SIK3: variants seen among roughly 807,000 people sequenced by gnomAD.
SIK3 encodes serine/threonine-protein kinase SIK3.
A neutral mutation model predicts 144.2 loss-of-function variants in SIK3; 28 were observed. That is an observed-to-expected ratio of 0.19 (90% confidence interval 0.14 to 0.27). SIK3 has a LOEUF of 0.27. SIK3 is among the 10% of genes least tolerant of loss of function. The pLI, the probability that SIK3 is intolerant of heterozygous loss-of-function variation, is 1.00. For missense variants in SIK3, 1,319 were observed against 1,776.0 expected, an observed-to-expected ratio of 0.74 and a Z score of 4.62; for synonymous variants, 686 against 676.3, an observed-to-expected ratio of 1.01 and a Z score of -0.22.
At chr11:117,096,323 A>G (rs527502421) in intron 1 of SIK3, among the ~76,000 whole-genome samples, 25 of 152,334 alleles carry the variant, frequency 1.6e-4, no homozygotes, top group African/African-American at 5.8e-4. Context: ...AAGTTCATGG[A>G]GACTATCCCC....
chr11:116,899,441 G>C (rs1945625476), intron 4 of SIK3, among the ~76,000 whole-genome samples: 1 of 152,166 alleles, frequency 6.6e-6, no homozygotes, highest in Middle Eastern at 3.4e-3. Context: ...CTTGGACCCA[G>C]AATTTTTATG....
At chr11:117,020,236 C>CATATATATATATATATACAT (rs754633188) in intron 1 of SIK3, among the ~76,000 whole-genome samples, 1 of 122,330 alleles carries the variant, frequency 8.2e-6, no homozygotes. Context: ...TGTATATGTG[C>CATATATATATATATATACAT]ATATATATAT....
rs1389723390 is a variant in SIK3 at position 116,861,378 on chromosome 11, C to T, written c.2321G>A (p.Arg774Lys). The T allele has an allele frequency of 6.3e-7, 1 of 1,597,212 alleles. No homozygotes were observed. Among genetic ancestry groups the T allele is most frequent in the Non-Finnish European group, 8.5e-7 (1 of 1,172,760 alleles). Residue 774 changes from arginine (R) to lysine (K), a missense_variant, in exon 19 of 25, where the codon AGG (arginine) becomes AAG (lysine). Around this residue, in one of 8 missense-constraint regions of SIK3, gnomAD observed 77 missense variants for 141.9 expected, o/e 0.54. Transcript: ENST00000445177. ...GGGGGGTGGGCTTGAAGGCTGAATC[C>T]TTAACCTTAAAAATAACAAAAGAGA... ...ALLTHQLQRL[R>K]IQPSSPPPNH...
At chr11:116,950,509 T>C (rs973895909) in intron 3 of SIK3, among the ~76,000 whole-genome samples, 2 of 152,178 alleles carry the variant, frequency 1.3e-5, no homozygotes, top group Non-Finnish European at 2.9e-5. Context: ...ACTGGCACAA[T>C]GATGAAGTTC....
At chr11:116,947,802 G>T (rs1253782985) in intron 3 of SIK3, among the ~76,000 whole-genome samples, 3 of 151,930 alleles carry the variant, frequency 2.0e-5, no homozygotes, top group Non-Finnish European at 4.4e-5. Flanking sequence ...CTGACCTCGT[G>T]ATCTGCCCAC....
intron 1 of SIK3, among the ~76,000 whole-genome samples, chr11:117,073,627 A>G (rs1028026373): frequency 3.9e-5 from 6 of 152,230 alleles, no homozygotes; most frequent in African/African-American, 1.4e-4. Flanking sequence ...GGCACTTAGC[A>G]TACAGCAATT....
At chr11:116,989,238 T>C (rs1950422577) in intron 1 of SIK3, among the ~76,000 whole-genome samples, 2 of 152,134 alleles carry the variant, frequency 1.3e-5, no homozygotes, top group South Asian at 4.1e-4. Context: ...TCAGATGATA[T>C]GTGTTTCCAA....
At chr11:116,934,610 C>T (rs1241827992) in intron 3 of SIK3, among the ~76,000 whole-genome samples, 1 of 152,194 alleles carries the variant, frequency 6.6e-6, no homozygotes, top group Non-Finnish European at 1.5e-5. Flanking sequence ...AAATGTGGAA[C>T]TAGAACTATT....
chr11:116,921,515 A>C (rs1171740866), intron 4 of SIK3, among the ~76,000 whole-genome samples: 1 of 152,148 alleles, frequency 6.6e-6, no homozygotes, highest in African/African-American at 2.4e-5. Flanking sequence ...TGCCTTTAGA[A>C]ATAAAATTCT....
chr11:116,848,737 C>T (rs1325081074), intron 22 of SIK3, among the ~76,000 whole-genome samples: 1 of 152,108 alleles, frequency 6.6e-6, no homozygotes, highest in African/African-American at 2.4e-5. Flanking sequence ...TTAAGGTAGG[C>T]GAATTGCCTG....
intron 4 of SIK3, among the ~76,000 whole-genome samples, chr11:116,916,897 G>A (rs1429330449): frequency 6.6e-6 from 1 of 151,952 alleles, no homozygotes; most frequent in African/African-American, 2.4e-5. Flanking sequence ...TTGAGCTCAG[G>A]AGTTCAAGAC....
intron 21 of SIK3, among the ~76,000 whole-genome samples, chr11:116,855,081 G>A (rs1253924729): frequency 2.5e-5 from 1 of 39,388 alleles, no homozygotes. Flanking sequence ...GTGAGACTCT[G>A]CCAAAAAAAA....
chr11:117,023,938 C>G (rs1951903588), intron 1 of SIK3, among the ~76,000 whole-genome samples: 1 of 152,090 alleles, frequency 6.6e-6, no homozygotes, highest in Admixed American at 6.6e-5. Flanking sequence ...GTTAGCCTCC[C>G]AAAGTGCTGG....
intron 4 of SIK3, among the ~76,000 whole-genome samples, chr11:116,899,223 T>C (rs1591269410): frequency 6.6e-6 from 1 of 151,958 alleles, no homozygotes; most frequent in Non-Finnish European, 1.5e-5. Context: ...ATTTATTAAA[T>C]AGGGAATCCT....
At chr11:117,084,500 A>G (rs1477825513) in intron 1 of SIK3, among the ~76,000 whole-genome samples, 1 of 152,186 alleles carries the variant, frequency 6.6e-6, no homozygotes, top group African/African-American at 2.4e-5. Flanking sequence ...TCCTGACCTC[A>G]GGTGATCCGC....
At chr11:116,890,774 C>A (rs911170983) in intron 6 of SIK3, among the ~76,000 whole-genome samples, 2 of 151,934 alleles carry the variant, frequency 1.3e-5, no homozygotes, top group Non-Finnish European at 2.9e-5. Context: ...AAGATGTATT[C>A]TCGGCAGTGG....
At chr11:117,045,447 G>A (rs1170208654) in intron 1 of SIK3, among the ~76,000 whole-genome samples, 8 of 152,138 alleles carry the variant, frequency 5.3e-5, no homozygotes, top group Non-Finnish European at 1.0e-4. Flanking sequence ...AAGAGTGAAC[G>A]GTAATTGCTC....
chr11:116,862,461 A>G, intron 16 of SIK3, 134 bp from the exon 17 acceptor site: 1 of 1,075,386 alleles, frequency 9.3e-7, no homozygotes, highest in Non-Finnish European at 1.4e-6. Context: ...TTGATGAGCA[A>G]TTAACTCATT....
chr11:116,905,190 A>G (rs1591286076), intron 4 of SIK3, among the ~76,000 whole-genome samples: 1 of 152,366 alleles, frequency 6.6e-6, no homozygotes, highest in South Asian at 2.1e-4. Context: ...CATTTCACAT[A>G]AATGGAATCA....
Sources: allele counts gnomAD v4.1 joint callset (sites outside exome capture counted in the v4.1 genomes callset), GRCh38; gene constraint gnomAD v4.1.1; regional missense constraint gnomAD v4.1.1; transcripts MANE v1.5; gene names NCBI Gene and HGNC (gene_info 2026-07-23, HGNC 2026-07-21).